SHROOM3: variants seen among roughly 807,000 people sequenced by gnomAD.
SHROOM3 encodes the protein protein Shroom3.
In SHROOM3, 47 loss-of-function variants were observed where a neutral mutation model predicts 138.6. The ratio of observed to expected loss-of-function variants is 0.34; its 90% CI spans 0.27 to 0.43. The LOEUF (loss-of-function observed/expected upper bound fraction) is 0.43. SHROOM3 is among the 20% of genes least tolerant of loss of function. The pLI is 1.00. For synonymous variants in SHROOM3, 1,062 were observed against 1,063.3 expected, an observed-to-expected ratio of 1.00 and a Z score of 0.02; for missense variants, 2,491 against 2,596.5, an observed-to-expected ratio of 0.96 and a Z score of 0.88.
rs529949160 is a variant in SHROOM3, at chr4:76,521,291, T to TGC, written c.169-34317_169-34316insCG. Reference sequence around the variant, plus strand: ...GCCTGTGTGTATGTATATGTGTGTGTGTGCGCACATATGTGTGTGTGTGCA... The same window carrying TGC: ...GCCTGTGTGTATGTATATGTGTGTGTGCGTGCGCACATATGTGTGTGTGTGCA... On this transcript the variant is annotated intron_variant, in intron 1 of 10. Transcript: ENST00000296043. Among the ~76,000 whole-genome samples, 871 of 151,998 alleles carry TGC rather than the reference T, an allele frequency of 5.7e-3. 9 individuals carry two copies. Among genetic ancestry groups the TGC allele is most frequent in the Non-Finnish European group, 9.3e-3 (629 of 67,946 alleles).
At chr4:76,608,705 G>A (rs1734697557) in intron 2 of SHROOM3, among the ~76,000 whole-genome samples, 2 of 138,052 alleles carry the variant, frequency 1.4e-5, no homozygotes, top group Non-Finnish European at 3.1e-5. Flanking sequence ...GCACAGCACA[G>A]CACAGCACAG....
chr4:76,668,081 C>G (rs1248655822), intron 2 of SHROOM3, among the ~76,000 whole-genome samples: 5 of 151,854 alleles, frequency 3.3e-5, no homozygotes, highest in Non-Finnish European at 5.9e-5. Flanking sequence ...CCTCCTCCTG[C>G]AGCTCCTGGT....
Position 76,741,133 on chromosome 4 carries a change from G to C in SHROOM3, c.2960G>C (p.Ser987Thr). The C allele has an allele frequency of 6.4e-7, 1 of 1,557,736 alleles. No individual in the cohort carries two copies. Among genetic ancestry groups the C allele is most frequent in the East Asian group, 2.4e-5 (1 of 41,398 alleles). ...CCGCACACGCCCCGGGAGCGGCACA[G>C]CGTGACCCCTGCTGAGGGCGACCTG... ...ASPHTPRERH[S>T]VTPAEGDLAR... is the part of the protein sequence containing the mutation. The change falls in exon 5 of 11, where the codon AGC becomes ACC. Residue 987 changes from serine to threonine, a missense_variant. Coordinates refer to ENST00000296043, the MANE Select transcript of SHROOM3 (RefSeq NM_020859.4). The surrounding 1 kb of genome is among the most constrained non-coding windows in gnomAD (Gnocchi z 6.2).
rs2110032854 is a variant in SHROOM3 at position 76,561,598 on chromosome 4, T to C, written c.323+5835T>C. ...GTCTAGTTCTTCGAGGATGTAAGTC[T>C]TAGGGACTTTTGGCCCCTCAAGCAG... On this transcript the variant is annotated intron_variant, in intron 2 of 10. Coordinates refer to ENST00000296043, the MANE Select transcript of SHROOM3 (RefSeq NM_020859.4). Among the ~76,000 whole-genome samples, 3 of 151,682 alleles carry C rather than the reference T, an allele frequency of 2.0e-5. No homozygotes were observed. The South Asian group carries it at 6.2e-4, about 32-fold the overall frequency.
At chr4:76,498,451 G>A (rs959790200) in intron 1 of SHROOM3, among the ~76,000 whole-genome samples, 2 of 152,088 alleles carry the variant, frequency 1.3e-5, no homozygotes, top group African/African-American at 4.8e-5. Context: ...ATGATAGGAG[G>A]AGGAGAGAGC....
chr4:76,477,794 C>A (rs1454268803), intron 1 of SHROOM3, among the ~76,000 whole-genome samples: 1 of 152,140 alleles, frequency 6.6e-6, no homozygotes, highest in Non-Finnish European at 1.5e-5. Flanking sequence ...CTCATTGGGA[C>A]TGGTTAGACA....
intron 2 of SHROOM3, among the ~76,000 whole-genome samples, chr4:76,682,524 TG>T (rs1307012686): frequency 1.3e-5 from 2 of 152,242 alleles, no homozygotes; most frequent in African/African-American, 4.8e-5. Flanking sequence ...GTGAGTTCCT[TG>T]AAGTTAGGGT....
Position 76,664,041 on chromosome 4 carries a change from G to C in SHROOM3, c.324-46115G>C, listed in dbSNP as rs990327668. Among the ~76,000 whole-genome samples the C allele has an allele frequency of 5.3e-5, 8 of 152,128 alleles. No homozygotes were observed. Among genetic ancestry groups the C allele is most frequent in the Non-Finnish European group, 1.0e-4 (7 of 68,034 alleles). ...CAAGTATGTTTGGCTCTCATTTCCT[G>C]GCAGTTGAAAATAATAAACCAGATT... On this transcript the variant is annotated intron_variant, in intron 2 of 10. Transcript: ENST00000296043. The surrounding 1 kb of genome is among the most constrained non-coding windows in gnomAD (Gnocchi z 4.2).
intron 2 of SHROOM3, among the ~76,000 whole-genome samples, chr4:76,677,553 T>C (rs1719073932): frequency 6.6e-6 from 1 of 152,214 alleles, no homozygotes; most frequent in African/African-American, 2.4e-5. Context: ...GCTGCTTCTC[T>C]TACCAATAGA....
At chr4:76,704,879 C>G (rs1178593430) in intron 2 of SHROOM3, among the ~76,000 whole-genome samples, 1 of 152,140 alleles carries the variant, frequency 6.6e-6, no homozygotes, top group African/African-American at 2.4e-5. Flanking sequence ...TTCTAACAGA[C>G]AAAACCAAGC....
At chr4:76,614,722 C>T (rs1734837249) in intron 2 of SHROOM3, among the ~76,000 whole-genome samples, 1 of 152,064 alleles carries the variant, frequency 6.6e-6, no homozygotes, top group Non-Finnish European at 1.5e-5. Context: ...CCAGTGTTGC[C>T]AGAAATCTGG....
At chr4:76,553,919 G>A (rs1225046605) in intron 1 of SHROOM3, among the ~76,000 whole-genome samples, 1 of 152,120 alleles carries the variant, frequency 6.6e-6, no homozygotes, top group Non-Finnish European at 1.5e-5. Context: ...TCAAAATCCT[G>A]CACCAGAGTG....
At chr4:76,497,230 T>C (rs12503749) in intron 1 of SHROOM3, among the ~76,000 whole-genome samples, 86,979 of 152,032 alleles carry the variant, frequency 0.57, 25,724 homozygotes, top group Non-Finnish European at 0.64. Flanking sequence ...CAACTCTTAA[T>C]CCCAACAGTA....
intron 2 of SHROOM3, among the ~76,000 whole-genome samples, chr4:76,688,101 G>C (rs891516553): frequency 6.6e-6 from 1 of 152,188 alleles, no homozygotes; most frequent in Non-Finnish European, 1.5e-5. Context: ...CACAGGACAC[G>C]AGGACACAGA....
At chr4:76,706,629 T>G (rs1015992282) in intron 2 of SHROOM3, among the ~76,000 whole-genome samples, 1 of 152,158 alleles carries the variant, frequency 6.6e-6, no homozygotes, top group Non-Finnish European at 1.5e-5. Flanking sequence ...TACAGTTGTT[T>G]GAAAAAAATC....
At chr4:76,665,036 T>G (rs1718654742) in intron 2 of SHROOM3, among the ~76,000 whole-genome samples, 1 of 152,136 alleles carries the variant, frequency 6.6e-6, no homozygotes. Context: ...CAGATGTGCC[T>G]CCAACCTTGA....
chr4:76,630,136 G>A (rs142816393), intron 2 of SHROOM3, among the ~76,000 whole-genome samples: 28 of 152,196 alleles, frequency 1.8e-4, no homozygotes, highest in Middle Eastern at 3.4e-3. Flanking sequence ...GTATTTACTG[G>A]TTCACCATAT....
At chr4:76,647,452 A>G (rs1485907579) in intron 2 of SHROOM3, among the ~76,000 whole-genome samples, 3 of 152,250 alleles carry the variant, frequency 2.0e-5, no homozygotes, top group African/African-American at 7.2e-5. Flanking sequence ...TGAATACTCC[A>G]GGTGATAGAT....
chr4:76,519,459 A>G (rs904988987), intron 1 of SHROOM3, among the ~76,000 whole-genome samples: 2 of 152,220 alleles, frequency 1.3e-5, no homozygotes, highest in Admixed American at 1.3e-4. Flanking sequence ...AAATTATGCA[A>G]TCAATTCAGC....
Sources: gnomAD v4.1 joint callset for allele counts (sites outside exome capture counted in the v4.1 genomes callset) on GRCh38, gnomAD v4.1.1 for gene constraint, Gnocchi (gnomAD v3.1) non-coding constraint, MANE v1.5 for transcripts, NCBI Gene and HGNC (gene_info 2026-07-23, HGNC 2026-07-21) for gene names.